The following WDPCP variants were observed in gnomAD, a reference collection of about 807,000 sequenced individuals.
WDPCP encodes the protein WD repeat-containing and planar cell polarity effector protein fritz homolog.
Under a neutral mutation model 93.1 loss-of-function variants are expected in WDPCP, and 71 were observed. That is an observed-to-expected ratio of 0.76 (90% CI 0.63 to 0.93). WDPCP has a LOEUF of 0.93. Ranked by LOEUF, WDPCP falls within the 40% of genes least tolerant of loss-of-function variation. The probability of loss-of-function intolerance (pLI) is 0.00; values close to 1 mark genes in which losing one functional copy is unlikely to be tolerated. For missense variants in WDPCP, 844 were observed against 887.4 expected, an observed-to-expected ratio of 0.95 and a Z score of 0.62; for synonymous variants, 315 against 315.0, an observed-to-expected ratio of 1.00 and a Z score of 0.00.
intron 2 of WDPCP, among the ~76,000 whole-genome samples, chr2:63,666,529 G>A (rs867478362): frequency 2.0e-4 from 31 of 152,288 alleles, no homozygotes; most frequent in Non-Finnish European, 2.9e-4. Flanking sequence ...TACTGTTTTG[G>A]TGAATTCATT....
intron 6 of WDPCP, among the ~76,000 whole-genome samples, chr2:63,479,316 T>C (rs1387413887): frequency 6.6e-6 from 1 of 151,714 alleles, no homozygotes; most frequent in African/African-American, 2.4e-5. Flanking sequence ...AAAAAGGAAA[T>C]CCTCCCTAAA....
intron 3 of WDPCP, among the ~76,000 whole-genome samples, chr2:63,639,363 A>C (rs1709956686): frequency 6.6e-6 from 1 of 152,140 alleles, no homozygotes; most frequent in Non-Finnish European, 1.5e-5. Flanking sequence ...AGGCTGATCT[A>C]TCAAACTCCT....
Position 63,604,891 on chromosome 2 carries a change from C to T in WDPCP, n.488+45768G>A, listed in dbSNP as rs755128980. The T allele has an allele frequency of 1.9e-6, 3 of 1,612,694 alleles. No homozygotes were observed. The Admixed American group carries it at 5.0e-5, about 27-fold the overall frequency. On this transcript the variant is annotated intron_variant and non_coding_transcript_variant, in intron 3 of 4. Transcript: ENST00000467687. The stretch of plus-strand genomic sequence containing the variant: ...TGTCACGGTAAGAAAAATCTGTGAG[C>T]CTTCTTAACACTGAGCGTAAAGAAC...
At chr2:63,511,208 CAAG>C (rs1395632163) in intron 1 of WDPCP, among the ~76,000 whole-genome samples, 2 of 152,122 alleles carry the variant, frequency 1.3e-5, no homozygotes, top group Non-Finnish European at 2.9e-5. Flanking sequence ...AGGACCTCTT[CAAG>C]AAGAACTACA....
At chr2:63,226,470 C>A (rs921309228) in intron 14 of WDPCP, among the ~76,000 whole-genome samples, 1 of 151,844 alleles carries the variant, frequency 6.6e-6, no homozygotes, top group Admixed American at 6.6e-5. Flanking sequence ...TGACCTGAGT[C>A]ATCTTTGTGA....
chr2:63,286,512 C>A (rs1270573614), intron 13 of WDPCP, among the ~76,000 whole-genome samples: 1 of 152,288 alleles, frequency 6.6e-6, no homozygotes, highest in Middle Eastern at 3.4e-3. Context: ...CCTAACTCCA[C>A]CGCCTATCCC....
intron 3 of WDPCP, among the ~76,000 whole-genome samples, chr2:63,639,154 G>C (rs1241845305): frequency 2.6e-5 from 4 of 151,508 alleles, no homozygotes; most frequent in African/African-American, 4.8e-5. Context: ...GTGCAGTGGA[G>C]TGAACCTAGG....
intron 6 of WDPCP, chr2:63,441,219 G>A (rs1454518789): frequency 1.3e-5 from 2 of 152,124 alleles, no homozygotes; most frequent in East Asian, 1.9e-4. Context: ...AATTTAAAAT[G>A]CTTCACAACT....
intron 2 of WDPCP, among the ~76,000 whole-genome samples, chr2:63,668,933 C>A (rs1020770534): frequency 2.6e-5 from 4 of 152,156 alleles, no homozygotes; most frequent in Non-Finnish European, 5.9e-5. Flanking sequence ...TCTAGAATAA[C>A]CCTTCTTTCC....
chr2:63,776,655 C>CAAA (rs778768889), intron 2 of WDPCP, among the ~76,000 whole-genome samples: 36 of 53,882 alleles, frequency 6.7e-4, no homozygotes, highest in South Asian at 1.8e-3. Context: ...GGCCCTGTCT[C>CAAA]AAAAAAAAAA....
chr2:63,195,394 C>T (rs1675350138), intron 14 of WDPCP, among the ~76,000 whole-genome samples: 1 of 152,194 alleles, frequency 6.6e-6, no homozygotes, highest in Admixed American at 6.5e-5. Flanking sequence ...AAGTGGGCAT[C>T]TTACATATTA....
chr2:63,289,067 A>C (rs1030576228), intron 13 of WDPCP, among the ~76,000 whole-genome samples: 5 of 152,142 alleles, frequency 3.3e-5, no homozygotes, highest in Admixed American at 6.5e-5. Context: ...CTTGATTAAC[A>C]GGGCATCTGC....
rs182656471 is a variant in WDPCP at position 63,528,651 on chromosome 2, T to C, written c.76-35711A>G. ...TATAGTTTGAAGTCAGGTAGCATGATGCCTCCAGCTTTGTTCTTTTGGCTT... is the reference window on the plus strand; with the variant it reads ...TATAGTTTGAAGTCAGGTAGCATGACGCCTCCAGCTTTGTTCTTTTGGCTT... On this transcript the variant is annotated intron_variant, in intron 1 of 17. Coordinates refer to ENST00000272321, the MANE Select transcript of WDPCP (RefSeq NM_015910.7). Among the ~76,000 whole-genome samples, 473 of 152,348 alleles carry C rather than the reference T, an allele frequency of 3.1e-3. 4 individuals carry two copies. The highest frequency in any genetic ancestry group is 0.011 in the African/African-American group (439 of 41,576).
chr2:63,237,829 G>T (rs1444239800), intron 14 of WDPCP, among the ~76,000 whole-genome samples: 1 of 152,036 alleles, frequency 6.6e-6, no homozygotes, highest in African/African-American at 2.4e-5. Context: ...GGCTCCAAAA[G>T]GAAAGAGGGA....
At chr2:63,594,472 G>A (rs751703733) in intron 3 of WDPCP, 6 of 1,578,814 alleles carry the variant, frequency 3.8e-6, no homozygotes, top group Admixed American at 3.3e-5. Context: ...ATGTTAATGG[G>A]TCTTTTTCAT....
intron 10 of WDPCP, 62 bp from the exon 11 acceptor site, chr2:63,382,156 T>C (rs1692369457): frequency 6.6e-7 from 1 of 1,517,424 alleles, no homozygotes; most frequent in Non-Finnish European, 8.9e-7. Context: ...ACAAAAAGAG[T>C]TAATTTTTCC....
chr2:63,621,597 C>T (rs1709738667), intron 3 of WDPCP, among the ~76,000 whole-genome samples: 1 of 152,174 alleles, frequency 6.6e-6, no homozygotes, highest in Non-Finnish European at 1.5e-5. Flanking sequence ...TTGGAAAACA[C>T]TCTTCAGGAT....
At chr2:63,779,087 T>G (rs981038831) in intron 2 of WDPCP, among the ~76,000 whole-genome samples, 1 of 152,158 alleles carries the variant, frequency 6.6e-6, no homozygotes, top group African/African-American at 2.4e-5. Context: ...TCAATGAAGG[T>G]TTATAAAATC....
intron 1 of WDPCP, among the ~76,000 whole-genome samples, chr2:63,493,224 G>A (rs1308471904): frequency 6.6e-6 from 1 of 152,036 alleles, no homozygotes; most frequent in Non-Finnish European, 1.5e-5. Flanking sequence ...GCATATGTTT[G>A]GTTAAGGCTC....
Sources: allele counts gnomAD v4.1 joint callset (sites outside exome capture counted in the v4.1 genomes callset), GRCh38; gene constraint gnomAD v4.1.1; transcripts MANE v1.5; gene names NCBI Gene and HGNC (gene_info 2026-07-23, HGNC 2026-07-21).